Variants in SUMF1 observed in about 807,000 individuals in gnomAD.
SUMF1 encodes the protein formylglycine-generating enzyme.
SUMF1 carries 48 observed loss-of-function variants against 47.6 expected under a neutral mutation model. That is an observed-to-expected ratio of 1.01 (90% CI 0.80 to 1.28). SUMF1 has a LOEUF of 1.28. Among genes scored for constraint, SUMF1 ranks in the 50% most tolerant of loss-of-function variants. SUMF1 has a pLI of 0.00. For synonymous variants in SUMF1, 230 were observed against 192.1 expected, an observed-to-expected ratio of 1.20 and a Z score of -1.63; for missense variants, 571 against 485.4, an observed-to-expected ratio of 1.18 and a Z score of -1.66.
intron 8 of SUMF1, among the ~76,000 whole-genome samples, chr3:4,244,216 G>T (rs370346545): frequency 1.3e-5 from 2 of 152,104 alleles, no homozygotes; most frequent in Non-Finnish European, 2.9e-5. Flanking sequence ...TATCCAACTT[G>T]CCAGTCTGTG....
At chr3:4,292,526 T>C (rs1413387653) in intron 8 of SUMF1, among the ~76,000 whole-genome samples, 1 of 152,226 alleles carries the variant, frequency 6.6e-6, no homozygotes, top group African/African-American at 2.4e-5. Flanking sequence ...TCGTGGTCTA[T>C]TCCAAAGGAC....
intron 8 of SUMF1, among the ~76,000 whole-genome samples, chr3:4,241,174 G>A (rs1455839241): frequency 6.6e-6 from 1 of 152,088 alleles, no homozygotes; most frequent in Non-Finnish European, 1.5e-5. Flanking sequence ...AACCTGAAAA[G>A]GCTCTCCAAA....
At chr3:4,368,817 C>T (rs531464873) in intron 8 of SUMF1, among the ~76,000 whole-genome samples, 12 of 152,270 alleles carry the variant, frequency 7.9e-5, no homozygotes, top group Admixed American at 3.9e-4. Flanking sequence ...AAAATAACCA[C>T]GCTTGAAACT....
intron 9 of SUMF1, among the ~76,000 whole-genome samples, chr3:4,053,216 G>C (rs1439490917): frequency 6.6e-6 from 1 of 152,120 alleles, no homozygotes; most frequent in Non-Finnish European, 1.5e-5. Flanking sequence ...GAGAGATGGA[G>C]GAACAGCCTG....
chr3:4,331,832 A>G (rs1228489984), intron 8 of SUMF1, among the ~76,000 whole-genome samples: 1 of 152,134 alleles, frequency 6.6e-6, no homozygotes, highest in African/African-American at 2.4e-5. Flanking sequence ...TCCATCTCCA[A>G]AAAATTAAAT....
intron 8 of SUMF1, among the ~76,000 whole-genome samples, chr3:4,214,680 C>A (rs188744897): frequency 6.6e-6 from 1 of 151,016 alleles, no homozygotes. Context: ...GAGAGAAGAA[C>A]CAAATATATG....
At chr3:4,196,436 A>C (rs1052028165) in intron 8 of SUMF1, among the ~76,000 whole-genome samples, 1 of 152,054 alleles carries the variant, frequency 6.6e-6, no homozygotes, top group African/African-American at 2.4e-5. Flanking sequence ...CAGTGAGTGC[A>C]CTGCAATTTT....
intron 8 of SUMF1, among the ~76,000 whole-genome samples, chr3:4,072,831 T>A: frequency 6.6e-6 from 1 of 152,112 alleles, no homozygotes. Context: ...AATATGGGAC[T>A]ATGTGAAAAG....
intron 8 of SUMF1, among the ~76,000 whole-genome samples, chr3:4,306,236 A>G (rs1698183928): frequency 6.6e-6 from 1 of 152,146 alleles, no homozygotes. Context: ...CTGTAAAACT[A>G]TGTGCCCGAC....
chr3:4,368,922 C>T (rs868662630), intron 8 of SUMF1, among the ~76,000 whole-genome samples: 1 of 152,122 alleles, frequency 6.6e-6, no homozygotes, highest in Non-Finnish European at 1.5e-5. Flanking sequence ...TGAGTTGGCC[C>T]AGTACAGCTC....
At chr3:4,335,973 A>ACAC (rs1699144329) in intron 8 of SUMF1, among the ~76,000 whole-genome samples, 1 of 148,218 alleles carries the variant, frequency 6.7e-6, no homozygotes, top group South Asian at 2.2e-4. Context: ...AAAAAAAAAA[A>ACAC]AAAAAAACAG....
chr3:4,284,309 G>A (rs887676357), intron 8 of SUMF1, among the ~76,000 whole-genome samples: 2 of 151,860 alleles, frequency 1.3e-5, no homozygotes, highest in Non-Finnish European at 2.9e-5. Flanking sequence ...CTACCCGGGG[G>A]GCTGAGGTGG....
intron 3 of SUMF1, among the ~76,000 whole-genome samples, chr3:4,432,669 C>T (rs1348829357): frequency 6.6e-6 from 1 of 152,226 alleles, no homozygotes; most frequent in Non-Finnish European, 1.5e-5. Flanking sequence ...CTGCATTATA[C>T]TCTAATCATT....
chr3:4,274,904 T>A (rs1036709833), intron 8 of SUMF1, among the ~76,000 whole-genome samples: 1 of 151,978 alleles, frequency 6.6e-6, no homozygotes, highest in African/African-American at 2.4e-5. Flanking sequence ...ATAACACCAA[T>A]GAAAGGAGGG....
chr3:4,216,577 A>G (rs928281121), intron 8 of SUMF1, among the ~76,000 whole-genome samples: 2 of 152,200 alleles, frequency 1.3e-5, no homozygotes, highest in African/African-American at 4.8e-5. Flanking sequence ...TGCACAGCAA[A>G]AGAAACTATC....
chr3:4,200,534 T>A (rs1289621706), intron 8 of SUMF1, among the ~76,000 whole-genome samples: 1 of 152,134 alleles, frequency 6.6e-6, no homozygotes. Flanking sequence ...CTCTGGGTTC[T>A]AAGGTTTTCA....
intron 8 of SUMF1, among the ~76,000 whole-genome samples, chr3:4,268,315 G>A (rs143972241): frequency 0.017 from 2,561 of 152,032 alleles, 89 homozygotes; most frequent in African/African-American, 0.058. Context: ...GATAGCATTG[G>A]GAGATATACC....
intron 8 of SUMF1, among the ~76,000 whole-genome samples, chr3:4,227,997 G>A (rs1696211558): frequency 1.3e-5 from 2 of 152,060 alleles, no homozygotes; most frequent in Non-Finnish European, 2.9e-5. Context: ...GGGACAGTTG[G>A]AGGTTACAGA....
intron 8 of SUMF1, among the ~76,000 whole-genome samples, chr3:4,287,167 G>C (rs1216017104): frequency 6.6e-6 from 1 of 152,072 alleles, no homozygotes; most frequent in African/African-American, 2.4e-5. Context: ...TTCCTAATAT[G>C]TTAAATACTG....
Sources: allele counts gnomAD v4.1 joint callset (sites outside exome capture counted in the v4.1 genomes callset), GRCh38; gene constraint gnomAD v4.1.1; transcripts MANE v1.5; gene names NCBI Gene and HGNC (gene_info 2026-07-23, HGNC 2026-07-21).